The following TSG101 variants were observed in gnomAD, a reference collection of about 807,000 sequenced individuals.
TSG101 encodes the protein tumor susceptibility 101, also known as tumor susceptibility gene 101 protein.
A neutral mutation model predicts 48.5 loss-of-function variants in TSG101; 19 were observed. That is an observed-to-expected ratio of 0.39 (90% CI 0.27 to 0.58). The LOEUF is 0.58. Ranked by LOEUF, TSG101 falls within the 20% of genes least tolerant of loss-of-function variation. The probability of loss-of-function intolerance (pLI) is 0.55; values close to 1 mark genes in which losing one functional copy is unlikely to be tolerated. For missense variants in TSG101, 365 were observed against 484.4 expected, an observed-to-expected ratio of 0.75 and a Z score of 2.31; for synonymous variants, 174 against 169.4, an observed-to-expected ratio of 1.03 and a Z score of -0.21.
At chr11:18,481,480 G>GT (rs2133899943) in intron 9 of TSG101, 150 bp downstream of exon 9, 1 of 1,435,852 alleles carries the variant, frequency 7.0e-7, no homozygotes, top group East Asian at 2.5e-5. Flanking sequence ...TAAAAAGATG[G>GT]TGCAAAACCC....
intron 7 of TSG101, among the ~76,000 whole-genome samples, chr11:18,486,773 T>C (rs1220805655): frequency 1.3e-5 from 2 of 151,730 alleles, no homozygotes. Flanking sequence ...ACTGGGTATA[T>C]ACCCAAAGGA....
At chr11:18,486,245 C>A (rs931789573) in intron 7 of TSG101, among the ~76,000 whole-genome samples, 1 of 152,226 alleles carries the variant, frequency 6.6e-6, no homozygotes, top group Non-Finnish European at 1.5e-5. Context: ...CGGGAACCAG[C>A]GGGTAAGCCA....
chr11:18,515,754 A>G (rs902092509), intron 3 of TSG101, among the ~76,000 whole-genome samples: 7 of 152,240 alleles, frequency 4.6e-5, no homozygotes, highest in South Asian at 2.1e-4. Context: ...TTTGAAGCCT[A>G]TATCTTAGCT....
chr11:18,521,359 CTTTTTTTTTTTTTTTT>C (rs917563952), intron 1 of TSG101, among the ~76,000 whole-genome samples: 1 of 99,794 alleles, frequency 1.0e-5, no homozygotes, highest in Non-Finnish European at 2.0e-5. Context: ...AAACTGATTC[CTTTTTTTTTTTTTTTT>C]TTTTTTTTTT....
intron 7 of TSG101, among the ~76,000 whole-genome samples, chr11:18,502,149 T>G (rs907506469): frequency 6.6e-6 from 1 of 152,268 alleles, no homozygotes; most frequent in African/African-American, 2.4e-5. Context: ...TTAACCCATT[T>G]TACTTTCTTC....
chr11:18,488,586 A>C (rs1258366575), intron 7 of TSG101, among the ~76,000 whole-genome samples: 3 of 152,190 alleles, frequency 2.0e-5, no homozygotes, highest in African/African-American at 7.2e-5. Context: ...GGTATGACTA[A>C]AGAGCAACAC....
In TSG101 at chr11:18,516,109, C is replaced by T. The variant is rs1466082294; in HGVS notation, c.183G>A (p.Val61=). ...TAATAAGACATTTACCTCTATAAGG[C>T]ACAGGGATTGTTCCAGTGAGGTTCA... is the stretch of plus-strand genomic sequence containing the variant. The part of the protein sequence containing the change: ...ELMNLTGTIP[V]PYRGNTYNIP... The change falls in exon 3 of 10, where the codon GTG becomes GTA. Residue 61 remains valine, a synonymous_variant. Transcript: ENST00000251968. 1.2e-6 allele frequency: 2 copies of T among 1,613,822 alleles called. No homozygotes were observed. Among genetic ancestry groups the T allele is most frequent in the Non-Finnish European group, 1.7e-6 (2 of 1,179,858 alleles).
In TSG101 at chr11:18,483,701, A is replaced by G. The variant is rs181613597; in HGVS notation, c.843+169T>C. 6 of 701,092 alleles carry G rather than the reference A, an allele frequency of 8.6e-6. No individual in the cohort carries two copies. In the Admixed American group the frequency reaches 1.7e-4, roughly 20 times the overall value. The allele number at this position is 701,092 out of a possible 1,614,324, so 43.4% of individuals were successfully genotyped here. A position where few individuals can be genotyped will look rare whatever the true frequency, so the allele number is the denominator to read the frequency against. On this transcript the variant is annotated intron_variant, in intron 8 of 9. Transcript: ENST00000251968. ...CTCCCAATCTAAGACCAAATGCCAA[A>G]CATAGGCTCCACTGTAAACAAAGGT...
intron 7 of TSG101, among the ~76,000 whole-genome samples, chr11:18,500,674 T>C (rs1849873576): frequency 1.3e-5 from 2 of 152,096 alleles, no homozygotes; most frequent in Admixed American, 1.3e-4. Flanking sequence ...TTTTTAATGG[T>C]TTGTTTTACT....
At chr11:18,514,283 C>A (rs12577132) in intron 4 of TSG101, among the ~76,000 whole-genome samples, 6,254 of 152,236 alleles carry the variant, frequency 0.041, 275 homozygotes, top group East Asian at 0.19. Flanking sequence ...GAACATTAAT[C>A]TGTCACAGTT....
At chr11:18,508,883 C>T (rs1426153025) in intron 5 of TSG101, 1 of 148,388 alleles carries the variant, frequency 6.7e-6, no homozygotes, top group Admixed American at 6.7e-5. Flanking sequence ...ACAGTGAAAT[C>T]AATGCAGATT....
intron 6 of TSG101, 61 bp downstream of exon 6, chr11:18,506,796 T>G: frequency 7.3e-7 from 1 of 1,366,838 alleles, no homozygotes; most frequent in Non-Finnish European, 9.9e-7. Flanking sequence ...CAAATTATTT[T>G]GATTCTAGAT....
intron 6 of TSG101, among the ~76,000 whole-genome samples, chr11:18,504,479 T>C (rs1276467064): frequency 6.6e-6 from 1 of 152,184 alleles, no homozygotes; most frequent in Non-Finnish European, 1.5e-5. Context: ...TGGAGGCTAC[T>C]GAACACAGTA....
intron 9 of TSG101, 38 bp downstream of exon 9, chr11:18,481,592 C>A: frequency 6.3e-7 from 1 of 1,596,934 alleles, no homozygotes; most frequent in South Asian, 1.1e-5. Flanking sequence ...CTCTACAACC[C>A]AAGTTAAAAA....
At chr11:18,499,181 G>T in intron 7 of TSG101, among the ~76,000 whole-genome samples, 1 of 134,942 alleles carries the variant, frequency 7.4e-6, no homozygotes, top group African/African-American at 2.7e-5. Context: ...GAATAGAGAA[G>T]AGGATTCTTT....
At chr11:18,488,249 T>TTTATTTCA (rs1849648624) in intron 7 of TSG101, among the ~76,000 whole-genome samples, 1 of 152,202 alleles carries the variant, frequency 6.6e-6, no homozygotes, top group Non-Finnish European at 1.5e-5. Flanking sequence ...TTGTTTTTTT[T>TTTATTTCA]CTTTTTTTGG....
chr11:18,499,411 T>A (rs1423554645), intron 7 of TSG101, among the ~76,000 whole-genome samples: 5 of 55,276 alleles, frequency 9.0e-5, no homozygotes, highest in South Asian at 5.8e-4. Flanking sequence ...TATTTTTTTT[T>A]TTTTTTTTTT....
Position 18,499,211 on chromosome 11 carries a change from A to T in TSG101, c.640+3275T>A, listed in dbSNP as rs549990717. The stretch of plus-strand genomic sequence containing the variant: ...TTCTTTTTTAAATATATATATATAA[A>T]ATATATATATTTATATATGATATAT... On this transcript the variant is annotated intron_variant, in intron 7 of 9. Transcript: ENST00000251968. 9.4e-3 allele frequency among the ~76,000 whole-genome samples: 1,167 copies of T among 124,510 alleles called. 20 individuals are homozygous for T. The highest frequency in any genetic ancestry group is 0.032 in the African/African-American group (1,112 of 34,956). The allele number at this position is 124,510 out of a possible 152,430, so 81.7% of individuals were successfully genotyped here.
intron 1 of TSG101, among the ~76,000 whole-genome samples, chr11:18,526,008 G>C (rs1249802891): frequency 1.3e-5 from 2 of 152,092 alleles, no homozygotes; most frequent in Non-Finnish European, 2.9e-5. Context: ...ATTTTACATA[G>C]TTTTGGAAAA....
Sources: allele counts gnomAD v4.1 joint callset (sites outside exome capture counted in the v4.1 genomes callset), GRCh38; gene constraint gnomAD v4.1.1; transcripts MANE v1.5; gene names NCBI Gene and HGNC (gene_info 2026-07-23, HGNC 2026-07-21).